Variants in CCT3 observed in about 807,000 individuals in gnomAD.
CCT3 encodes chaperonin containing TCP1 subunit 3, also known as T-complex protein 1 subunit gamma.
A neutral mutation model predicts 65.3 loss-of-function variants in CCT3; 10 were observed. The ratio of observed to expected loss-of-function variants is 0.15; its 90% CI spans 0.09 to 0.26. The LOEUF (loss-of-function observed/expected upper bound fraction) is 0.26. Ranked by LOEUF, CCT3 falls within the 10% of genes least tolerant of loss-of-function variation. The pLI is 1.00. For missense variants in CCT3, 626 were observed against 708.7 expected (o/e 0.88, Z 1.33); for synonymous variants, 225 against 242.3 (o/e 0.93, Z 0.66).
At chr1:156,310,028 A>T in intron 13 of CCT3, among the ~76,000 whole-genome samples, 2 of 90,158 alleles carry the variant, frequency 2.2e-5, no homozygotes, top group South Asian at 5.2e-4. Flanking sequence ...ACGGAGCGAT[A>T]GTCTGTTTCA....
chr1:156,314,735 C>CA (rs1216307615), intron 10 of CCT3, among the ~76,000 whole-genome samples: 21 of 151,206 alleles, frequency 1.4e-4, no homozygotes, highest in Admixed American at 3.3e-4. Context: ...AAAATAAAAA[C>CA]AAAAAAAACC....
chr1:156,328,139 C>T (rs1664929239), intron 5 of CCT3, among the ~76,000 whole-genome samples: 1 of 130,202 alleles, frequency 7.7e-6, no homozygotes, highest in Non-Finnish European at 1.7e-5. Context: ...TGCCTGGCCA[C>T]CCCTACTGGG....
At chr1:156,325,181 A>C in intron 5 of CCT3, 92 bp from the exon 6 acceptor site, 1 of 897,966 alleles carries the variant, frequency 1.1e-6, no homozygotes, top group Non-Finnish European at 1.8e-6. Flanking sequence ...ACTCTCCTAA[A>C]TCAGACTCTC....
chr1:156,332,760 G>A (rs1665156814), intron 5 of CCT3: 1 of 152,230 alleles, frequency 6.6e-6, no homozygotes, highest in Admixed American at 6.5e-5. Flanking sequence ...GTGCAAGAAG[G>A]CTGTGATGTG....
At position 156,320,991 on chromosome 1, in the gene CCT3, G is replaced by A; in HGVS notation, c.457C>T (p.Leu153=). The change falls in exon 7 of 14, where the codon CTG becomes TTG. Residue 153 remains leucine, a synonymous_variant. Transcript: ENST00000295688. ...PVDISDSDMM[L]NIINSSITTK... ...GTAATAGAGCTGTTGATGATGTTCAGCATCATATCACTGTCACTGATGTCG... is the reference window on the plus strand; with the variant it reads ...GTAATAGAGCTGTTGATGATGTTCAACATCATATCACTGTCACTGATGTCG... 1 of 1,613,846 alleles carries A rather than the reference G, an allele frequency of 6.2e-7. No homozygotes were observed. Among genetic ancestry groups the A allele is most frequent in the Non-Finnish European group, 8.5e-7 (1 of 1,179,852 alleles).
rs1445544288 is a variant in CCT3, at chr1:156,310,545, T to C, written c.1533+13A>G. On this transcript the variant is annotated intron_variant, in intron 13 of 13. Transcript: ENST00000295688. ...TAATTAAAACAGCGTGTACATATCTTAGGGTGCCTTACCTCCACTGCTGTC... is the reference window on the plus strand; with the variant it reads ...TAATTAAAACAGCGTGTACATATCTCAGGGTGCCTTACCTCCACTGCTGTC... 1 of 1,602,664 alleles carries C rather than the reference T, an allele frequency of 6.2e-7. No homozygotes were observed. Among genetic ancestry groups the C allele is most frequent in the Non-Finnish European group, 8.5e-7 (1 of 1,173,104 alleles).
At chr1:156,337,792 G>GGA (rs1553304403) in intron 1 of CCT3, 5 of 280,666 alleles carry the variant, frequency 1.8e-5, no homozygotes, top group Non-Finnish European at 3.3e-5. Flanking sequence ...AGACCTAACT[G>GGA]AAAAAAAAAC....
At chr1:156,317,710 T>G (rs1355117503) in intron 8 of CCT3, among the ~76,000 whole-genome samples, 163 bp from the exon 9 acceptor site, 1 of 151,750 alleles carries the variant, frequency 6.6e-6, no homozygotes, top group Non-Finnish European at 1.5e-5. Context: ...GCTTTAGTTT[T>G]GCTTTTTTTT....
At chr1:156,332,263 TG>T (rs1213318239) in intron 5 of CCT3, among the ~76,000 whole-genome samples, 1 of 152,132 alleles carries the variant, frequency 6.6e-6, no homozygotes, top group Non-Finnish European at 1.5e-5. Flanking sequence ...CTGCCCACCT[TG>T]GCCTCCCAAA....
Position 156,330,207 on chromosome 1 carries a change from A to G in CCT3, c.304+3340T>C, listed in dbSNP as rs12748659. On this transcript the variant is annotated intron_variant, in intron 5 of 13. Coordinates refer to ENST00000295688, the MANE Select transcript of CCT3 (RefSeq NM_005998.5). ...TATTACAAAAAATAAAAAATAAAAA[A>G]GAGTATGAAATCTTTCCTCCCTCCT... is the stretch of plus-strand genomic sequence containing the variant. 9.0e-3 allele frequency among the ~76,000 whole-genome samples: 1,372 copies of G among 152,298 alleles called. 14 individuals are homozygous for G. Among genetic ancestry groups the G allele is most frequent in the Non-Finnish European group, 0.012 (829 of 68,022 alleles).
At chr1:156,316,579 T>C (rs1664322878) in intron 10 of CCT3, among the ~76,000 whole-genome samples, 1 of 152,228 alleles carries the variant, frequency 6.6e-6, no homozygotes, top group South Asian at 2.1e-4. Flanking sequence ...GAATGAACTT[T>C]GCTGGGCATG....
intron 1 of CCT3, chr1:156,337,785 C>A: frequency 3.3e-6 from 1 of 300,062 alleles, no homozygotes; most frequent in Non-Finnish European, 6.2e-6. Flanking sequence ...TAAAGCTAGA[C>A]CTAACTGAAA....
intron 5 of CCT3, among the ~76,000 whole-genome samples, chr1:156,327,446 A>G (rs966995949): frequency 6.6e-6 from 1 of 152,026 alleles, no homozygotes; most frequent in African/African-American, 2.4e-5. Context: ...GCGCGCCGCC[A>G]CGCCTGACTG....
chr1:156,338,017 C>T (rs565529811), intron 1 of CCT3, 137 bp downstream of exon 1: 6 of 933,080 alleles, frequency 6.4e-6, no homozygotes, highest in Non-Finnish European at 1.0e-5. Flanking sequence ...AAGCGGGACA[C>T]TGGGCTTCCA....
intron 5 of CCT3, among the ~76,000 whole-genome samples, chr1:156,330,132 A>C (rs1440055026): frequency 6.6e-6 from 1 of 152,176 alleles, no homozygotes; most frequent in Non-Finnish European, 1.5e-5. Flanking sequence ...AGATGATTCA[A>C]CTGAAATTAT....
chr1:156,336,429 C>CT lies in CCT3; in HGVS notation c.32-542dup, dbSNP rs548362948. ...TCTGCTTGGATAGGGGGATCATACT[C>CT]TAACAGGTCCAGCATAATTAGTGAT... is the stretch of plus-strand genomic sequence containing the variant. On this transcript the variant is annotated intron_variant, in intron 1 of 13. Coordinates refer to ENST00000295688, the MANE Select transcript of CCT3 (RefSeq NM_005998.5). 1.1e-3 allele frequency among the ~76,000 whole-genome samples: 160 copies of CT among 152,082 alleles called. 1 individual carries two copies. Among genetic ancestry groups the CT allele is most frequent in the African/African-American group, 3.6e-3 (150 of 41,496 alleles).
intron 6 of CCT3, among the ~76,000 whole-genome samples, chr1:156,323,609 C>T (rs1349073133): frequency 1.3e-5 from 2 of 151,816 alleles, no homozygotes; most frequent in Non-Finnish European, 2.9e-5. Context: ...GGACTATAGG[C>T]ACCTGCCACC....
At chr1:156,320,755 A>T (rs1664517563) in intron 7 of CCT3, 84 bp downstream of exon 7, 2 of 1,037,546 alleles carry the variant, frequency 1.9e-6, no homozygotes, top group South Asian at 1.5e-5. Flanking sequence ...AAACAACGGC[A>T]TGAAAAACAG....
intron 1 of CCT3, chr1:156,337,016 G>GGGA (rs1665412902): frequency 8.6e-7 from 1 of 1,167,932 alleles, no homozygotes; most frequent in Non-Finnish European, 1.1e-6. Context: ...GGTAAGGGAG[G>GGGA]GGAGATGGCT....
Sources: gnomAD v4.1 joint callset for allele counts (sites outside exome capture counted in the v4.1 genomes callset) on GRCh38, gnomAD v4.1.1 for gene constraint, MANE v1.5 for transcripts, NCBI Gene and HGNC (gene_info 2026-07-23, HGNC 2026-07-21) for gene names.